The following PARN variants were observed in gnomAD, a reference collection of about 807,000 sequenced individuals.
The protein encoded by PARN is poly(A)-specific ribonuclease PARN.
In PARN, 71 loss-of-function variants were observed where a neutral mutation model predicts 102.8. That is an observed-to-expected ratio of 0.69 (90% confidence interval 0.57 to 0.84). The LOEUF is 0.84. Ranked by LOEUF, PARN falls within the 40% of genes least tolerant of loss-of-function variation. The pLI, the probability that PARN is intolerant of heterozygous loss-of-function variation, is 0.00. For missense variants in PARN, 782 were observed against 760.9 expected, an observed-to-expected ratio of 1.03 and a Z score of -0.33; for synonymous variants, 261 against 252.9, an observed-to-expected ratio of 1.03 and a Z score of -0.30.
At chr16:14,609,815 G>C (rs886437429) in intron 7 of PARN, among the ~76,000 whole-genome samples, 9 of 152,204 alleles carry the variant, frequency 5.9e-5, no homozygotes, top group African/African-American at 1.9e-4. Flanking sequence ...CATGCTACAG[G>C]CTGGATAAGC....
intron 14 of PARN, among the ~76,000 whole-genome samples, 186 bp downstream of exon 14, chr16:14,586,132 A>C (rs1969842118): frequency 6.6e-6 from 1 of 151,706 alleles, no homozygotes; most frequent in Non-Finnish European, 1.5e-5. Context: ...GTATCCCACC[A>C]CACCCAGCTA....
intron 18 of PARN, among the ~76,000 whole-genome samples, chr16:14,570,321 C>CAAAAA (rs59965954): frequency 7.0e-4 from 44 of 63,054 alleles, no homozygotes; most frequent in Admixed American, 1.7e-3. Context: ...GACTCTGTCT[C>CAAAAA]AAAAAAAAAA....
chr16:14,469,378 G>A (rs368491130), intron 22 of PARN, among the ~76,000 whole-genome samples: 1 of 152,150 alleles, frequency 6.6e-6, no homozygotes, highest in Non-Finnish European at 1.5e-5. Flanking sequence ...TCACAGATTT[G>A]AGTCCTTTTG....
chr16:14,580,863 T>C lies in PARN; in HGVS notation c.1262+11A>G. 1 of 1,553,662 alleles carries C rather than the reference T, an allele frequency of 6.4e-7. No individual in the cohort carries two copies. Among genetic ancestry groups the C allele is most frequent in the Non-Finnish European group, 8.9e-7 (1 of 1,125,454 alleles). On this transcript the variant is annotated intron_variant, in intron 18 of 23. Coordinates refer to ENST00000437198, the MANE Select transcript of PARN (RefSeq NM_002582.4). Reference sequence around the variant, plus strand: ...AGAGAACTTGGAAACTGGAACTCTCTGATTACTTACTTGTTAAAAAAAGGT... The same window carrying C: ...AGAGAACTTGGAAACTGGAACTCTCCGATTACTTACTTGTTAAAAAAAGGT...
chr16:14,557,529 C>T (rs964387471), intron 18 of PARN, among the ~76,000 whole-genome samples: 1 of 146,044 alleles, frequency 6.8e-6, no homozygotes, highest in African/African-American at 2.6e-5. Context: ...TGCACTCTAG[C>T]CTGGGCGACA....
chr16:14,507,756 C>T (rs747910059), intron 21 of PARN, among the ~76,000 whole-genome samples: 7 of 151,842 alleles, frequency 4.6e-5, no homozygotes, highest in Admixed American at 1.3e-4. Flanking sequence ...GAAATTCCTA[C>T]GCCCAAAGAG....
intron 18 of PARN, among the ~76,000 whole-genome samples, chr16:14,567,437 C>T (rs1968499280): frequency 6.6e-6 from 1 of 152,184 alleles, no homozygotes; most frequent in Admixed American, 6.5e-5. Context: ...TATCAACAAT[C>T]ATACCACTGT....
intron 16 of PARN, among the ~76,000 whole-genome samples, chr16:14,583,533 T>G (rs887826978): frequency 1.1e-4 from 17 of 152,292 alleles, no homozygotes; most frequent in African/African-American, 3.6e-4. Flanking sequence ...TTATTTCCAT[T>G]ATATTGTTAT....
intron 22 of PARN, among the ~76,000 whole-genome samples, chr16:14,478,404 T>A (rs960485990): frequency 6.6e-6 from 1 of 152,210 alleles, no homozygotes; most frequent in Non-Finnish European, 1.5e-5. Context: ...TATCCATTTG[T>A]GATGTTGAAT....
At chr16:14,595,303 T>C (rs1442485443) in intron 12 of PARN, among the ~76,000 whole-genome samples, 3 of 152,116 alleles carry the variant, frequency 2.0e-5, no homozygotes, top group Non-Finnish European at 4.4e-5. Flanking sequence ...GGTATTGTAC[T>C]GGAATCTGAG....
intron 22 of PARN, among the ~76,000 whole-genome samples, chr16:14,468,106 T>C (rs982673178): frequency 6.6e-6 from 1 of 152,158 alleles, no homozygotes; most frequent in Non-Finnish European, 1.5e-5. Context: ...GCACTTCTAG[T>C]CGAAGGGAAG....
intron 18 of PARN, among the ~76,000 whole-genome samples, chr16:14,572,079 G>A (rs571820368): frequency 1.1e-4 from 16 of 152,294 alleles, no homozygotes; most frequent in Admixed American, 5.2e-4. Flanking sequence ...GGAGGGAGGT[G>A]GAATTACTGT....
intron 21 of PARN, among the ~76,000 whole-genome samples, chr16:14,483,803 G>C (rs574489054): frequency 6.3e-4 from 96 of 152,216 alleles, no homozygotes; most frequent in African/African-American, 2.3e-3. Context: ...CTTCTCTTGA[G>C]CTACCTATAA....
chr16:14,614,367 C>G (rs1971729277), intron 6 of PARN, among the ~76,000 whole-genome samples: 1 of 152,138 alleles, frequency 6.6e-6, no homozygotes, highest in Non-Finnish European at 1.5e-5. Context: ...ATGCTGACCA[C>G]CTGGTCAAGA....
At chr16:14,599,113 G>T (rs1970725177) in intron 12 of PARN, among the ~76,000 whole-genome samples, 1 of 136,392 alleles carries the variant, frequency 7.3e-6, no homozygotes, top group Non-Finnish European at 1.5e-5. Flanking sequence ...CGTGATCACA[G>T]CTCACTGCAG....
At chr16:14,464,543 G>A (rs1962206754) in intron 22 of PARN, among the ~76,000 whole-genome samples, 1 of 152,104 alleles carries the variant, frequency 6.6e-6, no homozygotes, top group Admixed American at 6.5e-5. Flanking sequence ...ATCACCTGAG[G>A]TAAGGAGTTC....
At chr16:14,545,840 C>T (rs1240899705) in intron 21 of PARN, among the ~76,000 whole-genome samples, 1 of 151,730 alleles carries the variant, frequency 6.6e-6, no homozygotes, top group Non-Finnish European at 1.5e-5. Context: ...ACCTCGAGGA[C>T]GCCAGGCTTA....
At chr16:14,497,340 G>A (rs117869602) in intron 21 of PARN, among the ~76,000 whole-genome samples, 2,839 of 152,278 alleles carry the variant, frequency 0.019, 46 homozygotes, top group Middle Eastern at 0.051. Flanking sequence ...AGAACGTTTA[G>A]GACACAATCT....
chr16:14,618,382 G>A (rs1226109993), intron 5 of PARN, among the ~76,000 whole-genome samples: 3 of 152,124 alleles, frequency 2.0e-5, no homozygotes, highest in Admixed American at 6.5e-5. Flanking sequence ...CAGCTGCTGG[G>A]GAGGCTGAGG....
Sources: allele counts gnomAD v4.1 joint callset (sites outside exome capture counted in the v4.1 genomes callset), GRCh38; gene constraint gnomAD v4.1.1; transcripts MANE v1.5; gene names NCBI Gene and HGNC (gene_info 2026-07-23, HGNC 2026-07-21).